The following OR51B5 variants were observed in gnomAD, a reference collection of about 807,000 sequenced individuals.
OR51B5 encodes the protein olfactory receptor 51B5.
For missense variants in OR51B5, 456 were observed against 374.6 expected, an observed-to-expected ratio of 1.22 and a Z score of -1.79; for synonymous variants, 186 against 144.8, an observed-to-expected ratio of 1.28 and a Z score of -2.04.
At chr11:5,358,427 C>G (rs1244569596) in intron 1 of OR51B5, among the ~76,000 whole-genome samples, 1 of 152,150 alleles carries the variant, frequency 6.6e-6, no homozygotes, top group Admixed American at 6.5e-5. Context: ...CATACACCCT[C>G]CCAAGACTAA....
At chr11:5,356,941 T>C (rs1164052385) in intron 1 of OR51B5, among the ~76,000 whole-genome samples, 2 of 151,458 alleles carry the variant, frequency 1.3e-5, no homozygotes, top group Non-Finnish European at 2.9e-5. Context: ...GATTTTGTCA[T>C]CACCAGGCCT....
chr11:5,478,335 G>C (rs1394188715), intron 1 of OR51B5, among the ~76,000 whole-genome samples: 1 of 150,552 alleles, frequency 6.6e-6, no homozygotes, highest in Non-Finnish European at 1.5e-5. Flanking sequence ...AAACAGAAAG[G>C]ACATCCACAC....
intron 1 of OR51B5, among the ~76,000 whole-genome samples, chr11:5,481,599 T>A (rs1267614481): frequency 2.0e-5 from 3 of 150,316 alleles, no homozygotes; most frequent in Non-Finnish European, 4.4e-5. Flanking sequence ...TGAATGTGTA[T>A]CTAGAAAACC....
intron 1 of OR51B5, chr11:5,392,377 A>G (rs1032462915): frequency 5.3e-5 from 8 of 152,220 alleles, no homozygotes; most frequent in Non-Finnish European, 5.9e-5. Flanking sequence ...GGAAATTCCT[A>G]TTCTATAGAT....
chr11:5,441,451 T>C, intron 1 of OR51B5: 1 of 1,613,774 alleles, frequency 6.2e-7, no homozygotes, highest in African/African-American at 1.3e-5. Flanking sequence ...CCTGTTTGTA[T>C]CCCAGGAATG....
At chr11:5,379,398 C>T (rs949311107) in intron 1 of OR51B5, among the ~76,000 whole-genome samples, 1 of 151,650 alleles carries the variant, frequency 6.6e-6, no homozygotes, top group African/African-American at 2.4e-5. Context: ...CAACATGGCA[C>T]ATGTATACAT....
At chr11:5,420,448 T>C (rs1217452919) in intron 1 of OR51B5, among the ~76,000 whole-genome samples, 2 of 152,088 alleles carry the variant, frequency 1.3e-5, no homozygotes, top group East Asian at 1.9e-4. Context: ...CTTTGTCATA[T>C]AGTTTTTCTT....
chr11:5,445,832 C>T (rs558764863), intron 1 of OR51B5, among the ~76,000 whole-genome samples: 5 of 151,780 alleles, frequency 3.3e-5, no homozygotes, highest in African/African-American at 1.2e-4. Flanking sequence ...GTTGTTACAA[C>T]TTACTTTGAA....
At chr11:5,505,251 T>G in intron 1 of OR51B5, 2 of 1,198,318 alleles carry the variant, frequency 1.7e-6, no homozygotes, top group South Asian at 2.9e-5. Flanking sequence ...TGCTATTAGG[T>G]TTTTTGTTTT....
upstream of OR51B5, among the ~76,000 whole-genome samples, chr11:5,347,234 G>A (rs528462068): frequency 1.8e-4 from 27 of 152,234 alleles, no homozygotes; most frequent in African/African-American, 6.5e-4. Context: ...ATCTTTCCCA[G>A]TTTATCTCAA....
At chr11:5,423,274 C>A in intron 1 of OR51B5, 1 of 1,332,364 alleles carries the variant, frequency 7.5e-7, no homozygotes, top group Admixed American at 2.9e-5. Flanking sequence ...TATGACAAGT[C>A]CCTGGCTTTT....
intron 1 of OR51B5, among the ~76,000 whole-genome samples, chr11:5,395,197 T>G (rs1273614233): frequency 6.6e-6 from 1 of 152,176 alleles, no homozygotes; most frequent in Non-Finnish European, 1.5e-5. Context: ...GAGATTCCTT[T>G]GAGGGCCAAA....
At chr11:5,400,462 T>C (rs75857280) in intron 1 of OR51B5, among the ~76,000 whole-genome samples, 2 of 152,186 alleles carry the variant, frequency 1.3e-5, no homozygotes, top group African/African-American at 4.8e-5. Context: ...CTTTTTTTTT[T>C]CCTGCACTAC....
chr11:5,341,628 TTTGGGAAA>T (rs774290466), downstream of OR51B5, among the ~76,000 whole-genome samples: 1 of 152,216 alleles, frequency 6.6e-6, no homozygotes, highest in Non-Finnish European at 1.5e-5. Flanking sequence ...TGTTGTATTC[TTTGGGAAA>T]TTTACACTTA....
At chr11:5,453,776 C>T (rs372429022) in intron 1 of OR51B5, 2 of 1,614,048 alleles carry the variant, frequency 1.2e-6, no homozygotes, top group Non-Finnish European at 1.7e-6. Context: ...CTTTTGATGC[C>T]TGTCTAATTC....
intron 1 of OR51B5, among the ~76,000 whole-genome samples, chr11:5,436,883 C>A (rs1267529613): frequency 7.8e-6 from 1 of 127,622 alleles, no homozygotes; most frequent in African/African-American, 2.5e-5. Context: ...GTGAGTTGGA[C>A]TGAGAGGCAG....
intron 1 of OR51B5, among the ~76,000 whole-genome samples, chr11:5,436,831 T>C (rs1031973009): frequency 6.6e-6 from 1 of 152,190 alleles, no homozygotes; most frequent in Non-Finnish European, 1.5e-5. Context: ...AGACACAGAC[T>C]GATCAAAGTG....
intron 1 of OR51B5, among the ~76,000 whole-genome samples, chr11:5,485,585 C>T (rs1361780466): frequency 6.6e-6 from 1 of 152,168 alleles, no homozygotes; most frequent in Non-Finnish European, 1.5e-5. Flanking sequence ...TCTAGCCTAT[C>T]TTGCCTATGC....
At chr11:5,376,315 G>C (rs1221697821) in intron 1 of OR51B5, among the ~76,000 whole-genome samples, 1 of 152,168 alleles carries the variant, frequency 6.6e-6, no homozygotes, top group Non-Finnish European at 1.5e-5. Context: ...TCGAATCAGT[G>C]TGTAGGGGGA....
Sources: gnomAD v4.1 joint callset for allele counts (sites outside exome capture counted in the v4.1 genomes callset) on GRCh38, gnomAD v4.1.1 for gene constraint, MANE v1.5 for transcripts, NCBI Gene and HGNC (gene_info 2026-07-23, HGNC 2026-07-21) for gene names.